The following DNM3 variants were observed in gnomAD, a reference collection of about 807,000 sequenced individuals.
DNM3 encodes the protein dynamin-3.
Under a neutral mutation model 101.6 loss-of-function variants are expected in DNM3, and 47 were observed. That is an observed-to-expected ratio of 0.46 (90% CI 0.37 to 0.59). The LOEUF is 0.59. DNM3 is among the 20% of genes least tolerant of loss of function. DNM3 has a pLI of 0.00. For missense variants in DNM3, 849 were observed against 1,085.7 expected (o/e 0.78, Z 3.06); for synonymous variants, 385 against 387.9 (o/e 0.99, Z 0.09).
At position 171,987,787 on chromosome 1, in the gene DNM3, C is replaced by A; in HGVS notation, c.367C>A (p.Arg123=). 6.4e-7 allele frequency: 1 copy of A among 1,568,628 alleles called. No individual in the cohort carries two copies. The highest frequency in any genetic ancestry group is 8.6e-7 in the Non-Finnish European group (1 of 1,162,790). The change falls in exon 3 of 21, where the codon CGA becomes AGA. Residue 123 remains arginine (R), a synonymous_variant. Transcript: ENST00000627582. The stretch of plus-strand genomic sequence containing the variant: ...CATTTCCTCCATACCCATTAATTTA[C>A]GAGTCTATTCCCCACACGGTAAGTA... ...KGISSIPINL[R]VYSPHVLNLT... is the part of the protein sequence containing the mutation.
At chr1:172,233,325 A>C (rs1012595720) in intron 14 of DNM3, among the ~76,000 whole-genome samples, 21 of 152,052 alleles carry the variant, frequency 1.4e-4, no homozygotes, top group Admixed American at 5.2e-4. Context: ...ATACACCCTC[A>C]GAAGACTAAA....
chr1:171,855,690 C>A (rs543897839), intron 1 of DNM3, among the ~76,000 whole-genome samples: 5 of 152,192 alleles, frequency 3.3e-5, no homozygotes, highest in African/African-American at 1.2e-4. Context: ...TGTATGTCTT[C>A]TTTTGAAAAA....
intron 15 of DNM3, among the ~76,000 whole-genome samples, chr1:172,296,924 C>T (rs887221088): frequency 4.6e-5 from 7 of 152,156 alleles, no homozygotes; most frequent in Non-Finnish European, 7.3e-5. Context: ...GGACTGATCA[C>T]CTGAGGTCAG....
At chr1:172,267,222 C>T (rs190645534) in intron 15 of DNM3, among the ~76,000 whole-genome samples, 1 of 152,060 alleles carries the variant, frequency 6.6e-6, no homozygotes, top group East Asian at 1.9e-4. Flanking sequence ...TTGCTGTATC[C>T]CCAGGGCCTA....
intron 17 of DNM3, among the ~76,000 whole-genome samples, chr1:172,342,880 T>C (rs1459485726): frequency 6.6e-6 from 1 of 152,220 alleles, no homozygotes; most frequent in Non-Finnish European, 1.5e-5. Flanking sequence ...ATTTCCTCTT[T>C]TTTTCTTACC....
intron 2 of DNM3, among the ~76,000 whole-genome samples, chr1:171,962,316 A>G (rs566609053): frequency 1.3e-5 from 2 of 152,338 alleles, no homozygotes; most frequent in East Asian, 1.9e-4. Flanking sequence ...GATTCCACCT[A>G]TATGAAATAC....
chr1:171,970,452 A>G (rs1206438882), intron 2 of DNM3, among the ~76,000 whole-genome samples: 1 of 152,086 alleles, frequency 6.6e-6, no homozygotes, highest in African/African-American at 2.4e-5. Flanking sequence ...AGTACTTAAT[A>G]TGTGTTAATT....
At chr1:172,368,265 T>C (rs2068132649) in intron 17 of DNM3, among the ~76,000 whole-genome samples, 2 of 151,860 alleles carry the variant, frequency 1.3e-5, no homozygotes, top group African/African-American at 2.4e-5. Flanking sequence ...ATCAAAATCA[T>C]ATGAAATATA....
intron 8 of DNM3, among the ~76,000 whole-genome samples, chr1:172,042,814 G>A (rs1292174849): frequency 1.3e-5 from 2 of 152,174 alleles, no homozygotes; most frequent in Non-Finnish European, 2.9e-5. Context: ...TTTCTAGGTT[G>A]AGGTAAAGTC....
intron 17 of DNM3, among the ~76,000 whole-genome samples, chr1:172,344,617 T>C (rs1187226003): frequency 6.6e-6 from 1 of 152,118 alleles, no homozygotes; most frequent in African/African-American, 2.4e-5. Flanking sequence ...TGGTCTAGAG[T>C]CCCTGCTAAT....
intron 14 of DNM3, among the ~76,000 whole-genome samples, chr1:172,177,749 G>A (rs2148375281): frequency 6.6e-6 from 1 of 151,840 alleles, no homozygotes; most frequent in African/African-American, 2.4e-5. Flanking sequence ...GCCAACCCAG[G>A]GGAAATGCTA....
At chr1:172,343,708 A>C (rs2066796378) in intron 17 of DNM3, among the ~76,000 whole-genome samples, 1 of 152,228 alleles carries the variant, frequency 6.6e-6, no homozygotes, top group Non-Finnish European at 1.5e-5. Flanking sequence ...TTCACATGCA[A>C]GTCTGAGATA....
chr1:172,032,426 C>A lies in DNM3; in HGVS notation c.614C>A (p.Thr205Asn), dbSNP rs767779058. ...PQGLRTIGVITKLDLMDEGTD... is the reference protein window; with the variant it reads ...PQGLRTIGVINKLDLMDEGTD... ...GGTCTGAGAACCATTGGAGTTATCA[C>A]CAAACTGGACCTTATGGATGAAGGA... The change falls in exon 5 of 21, where the codon ACC becomes AAC. Residue 205 changes from threonine (T) to asparagine (N), a missense_variant. Coordinates refer to ENST00000627582, the MANE Select transcript of DNM3 (RefSeq NM_015569.5). 1 of 1,611,886 alleles carries A rather than the reference C, an allele frequency of 6.2e-7. No individual in the cohort carries two copies. Among genetic ancestry groups the A allele is most frequent in the South Asian group, 1.1e-5 (1 of 90,990 alleles).
chr1:172,170,240 G>A (rs1002624127), intron 14 of DNM3, among the ~76,000 whole-genome samples: 1 of 151,832 alleles, frequency 6.6e-6, no homozygotes, highest in Non-Finnish European at 1.5e-5. Flanking sequence ...ATATCAAGTG[G>A]AGGTGCCATT....
chr1:172,231,592 G>A (rs2061339129), intron 14 of DNM3, among the ~76,000 whole-genome samples: 1 of 152,188 alleles, frequency 6.6e-6, no homozygotes, highest in Non-Finnish European at 1.5e-5. Context: ...AAGCTGGATG[G>A]AGAATGACTT....
rs755252552 is a variant in DNM3 at position 172,042,104 on chromosome 1, A to G, written c.1088A>G (p.Asn363Ser). ...GAACTCTCAGGTGGTGCTAAAATCAATCGTATTTTTCATGAACGCTTTCCT... is the reference window on the plus strand; with the variant it reads ...GAACTCTCAGGTGGTGCTAAAATCAGTCGTATTTTTCATGAACGCTTTCCT... The part of the protein sequence containing the change: ...TLELSGGAKI[N>S]RIFHERFPFE... The change falls in exon 8 of 21, where the codon AAT (asparagine) becomes AGT (serine). Residue 363 changes from asparagine (N) to serine (S), a missense_variant. Around this residue, in one of 5 missense-constraint regions of DNM3, gnomAD observed 388 missense variants for 483.0 expected, o/e 0.80. Coordinates refer to ENST00000627582, the MANE Select transcript of DNM3 (RefSeq NM_015569.5). 1.2e-6 allele frequency: 2 copies of G among 1,610,036 alleles called. No homozygotes were observed. Among genetic ancestry groups the G allele is most frequent in the East Asian group, 2.2e-5 (1 of 44,826 alleles).
chr1:172,371,040 T>G (rs1004279301), intron 17 of DNM3, among the ~76,000 whole-genome samples: 2 of 152,036 alleles, frequency 1.3e-5, no homozygotes, highest in African/African-American at 4.8e-5. Context: ...TTGGAATAAT[T>G]CTCAAAAGCC....
intron 14 of DNM3, among the ~76,000 whole-genome samples, chr1:172,192,862 C>CA (rs1014333200): frequency 6.6e-6 from 1 of 151,226 alleles, no homozygotes; most frequent in African/African-American, 2.4e-5. Context: ...TTTATAGCAG[C>CA]ATGATTTATA....
At chr1:171,980,348 A>G (rs962007906) in intron 2 of DNM3, among the ~76,000 whole-genome samples, 1 of 152,198 alleles carries the variant, frequency 6.6e-6, no homozygotes, top group Non-Finnish European at 1.5e-5. Flanking sequence ...GTACATATTT[A>G]TGGAGTACAG....
Sources: gnomAD v4.1 joint callset for allele counts (sites outside exome capture counted in the v4.1 genomes callset) on GRCh38, gnomAD v4.1.1 for gene constraint, gnomAD v4.1.1 regional missense constraint, MANE v1.5 for transcripts, NCBI Gene and HGNC (gene_info 2026-07-23, HGNC 2026-07-21) for gene names.